The following TMEM202 variants were observed in gnomAD, a reference collection of about 807,000 sequenced individuals.
TMEM202 encodes the protein transmembrane protein 202.
Under a neutral mutation model 26.1 loss-of-function variants are expected in TMEM202, and 25 were observed. That is an observed-to-expected ratio of 0.96 (90% CI 0.70 to 1.34). The LOEUF (loss-of-function observed/expected upper bound fraction) is 1.34. Ranked by LOEUF, TMEM202 falls within the 40% of genes most tolerant of loss-of-function variation. The probability of loss-of-function intolerance (pLI) is 0.00; values close to 1 mark genes in which losing one functional copy is unlikely to be tolerated. For missense variants in TMEM202, 301 were observed against 327.7 expected, an observed-to-expected ratio of 0.92 and a Z score of 0.63; for synonymous variants, 122 against 119.0, an observed-to-expected ratio of 1.02 and a Z score of -0.16.
In TMEM202 at chr15:72,408,032, T is replaced by C; in HGVS notation, c.*139T>C. On this transcript the variant is annotated 3_prime_UTR_variant, in exon 5 of 5. Transcript: ENST00000341689. ...AGCATTAAAGCTGATGAAATGTCTT[T>C]TGCGTGCATTGGATCCAAAATATAT... 1.5e-6 allele frequency: 1 copy of C among 651,544 alleles called. No homozygotes were observed. Among genetic ancestry groups the C allele is most frequent in the East Asian group, 2.7e-5 (1 of 36,538 alleles). 40.4% of individuals were successfully genotyped at this position (651,544 alleles called of 1,614,324 possible). A position where few individuals can be genotyped will look rare whatever the true frequency, so the allele number is the denominator to read the frequency against.
chr15:72,406,425 A>G (rs536148684), intron 2 of TMEM202, among the ~76,000 whole-genome samples, 177 bp from the exon 3 acceptor site: 1 of 152,306 alleles, frequency 6.6e-6, no homozygotes, highest in South Asian at 2.1e-4. Context: ...GTATTTGTAT[A>G]TTATCTTTAG....
At position 72,407,167 on chromosome 15, in the gene TMEM202, T is replaced by C; in HGVS notation, c.569T>C (p.Leu190Pro). 1 of 1,613,624 alleles carries C rather than the reference T, an allele frequency of 6.2e-7. No individual in the cohort carries two copies. The highest frequency in any genetic ancestry group is 1.1e-5 in the South Asian group (1 of 91,064). ...HTRDAMESDL[L>P]WTYYLNWCSD... ...AGGGATGCCATGGAGTCAGATCTCC[T>C]ATGGACCTATTATCTTAACTGGTGC... The change falls in exon 4 of 5, where the codon CTA (leucine) becomes CCA (proline). Residue 190 changes from leucine to proline, a missense_variant. Physicochemically the swap from Leu to Pro is moderately conservative, Grantham distance 98. Transcript: ENST00000341689.
In TMEM202 at chr15:72,398,926, A is replaced by G; in HGVS notation, c.337+18A>G. Reference sequence around the variant, plus strand: ...GCCACCCTGTGAGTGCCACCGAATTAAATGCCACAGGCCCCACACAATTGC... The same window carrying G: ...GCCACCCTGTGAGTGCCACCGAATTGAATGCCACAGGCCCCACACAATTGC... On this transcript the variant is annotated intron_variant, in intron 2 of 4. Transcript: ENST00000341689. 1.9e-6 allele frequency: 3 copies of G among 1,595,364 alleles called. No individual in the cohort carries two copies. Among genetic ancestry groups the G allele is most frequent in the African/African-American group, 1.3e-5 (1 of 74,674 alleles).
intron 2 of TMEM202, among the ~76,000 whole-genome samples, chr15:72,399,803 A>G (rs1416066640): frequency 1.3e-5 from 2 of 152,280 alleles, no homozygotes; most frequent in Non-Finnish European, 2.9e-5. Context: ...TAGAGGAAAG[A>G]TATCATTACA....
chr15:72,407,636 A>G, intron 4 of TMEM202, 55 bp from the exon 5 acceptor site: 1 of 1,539,382 alleles, frequency 6.5e-7, no homozygotes, highest in Non-Finnish European at 9.0e-7. Flanking sequence ...AGAATTTTAA[A>G]AGCCAAAAGA....
In TMEM202 at chr15:72,408,135, A is replaced by G. The variant is rs1462890622; in HGVS notation, c.*242A>G. The stretch of plus-strand genomic sequence containing the variant: ...ACAACAATGTTTAGAGTCATGAATG[A>G]AAGAAACTAGTGAAAGATGCAGTGT... On this transcript the variant is annotated 3_prime_UTR_variant, in exon 5 of 5. Coordinates refer to ENST00000341689, the MANE Select transcript of TMEM202 (RefSeq NM_001080462.3). 1 of 452,500 alleles carries G rather than the reference A, an allele frequency of 2.2e-6. No individual in the cohort carries two copies. Among genetic ancestry groups the G allele is most frequent in the African/African-American group, 2.0e-5 (1 of 50,666 alleles). The allele number at this position is 452,500 out of a possible 1,614,324, so 28.0% of individuals were successfully genotyped here. A position where few individuals can be genotyped will look rare whatever the true frequency, so the allele number is the denominator to read the frequency against.
chr15:72,401,853 T>G (rs2063549026), intron 2 of TMEM202, among the ~76,000 whole-genome samples: 1 of 152,228 alleles, frequency 6.6e-6, no homozygotes, highest in Non-Finnish European at 1.5e-5. Context: ...CAGTAATTAA[T>G]CTGCAATACA....
At chr15:72,403,082 A>G (rs2063555312) in intron 2 of TMEM202, among the ~76,000 whole-genome samples, 2 of 152,160 alleles carry the variant, frequency 1.3e-5, no homozygotes, top group African/African-American at 4.8e-5. Context: ...TCCCTGGCCA[A>G]CTTTTACTTC....
At chr15:72,402,671 A>T (rs1338810572) in intron 2 of TMEM202, among the ~76,000 whole-genome samples, 2 of 152,212 alleles carry the variant, frequency 1.3e-5, no homozygotes, top group African/African-American at 4.8e-5. Context: ...ATATTGCCAC[A>T]GAGAGTAGTT....
chr15:72,405,491 C>T (rs1208038736), intron 2 of TMEM202, among the ~76,000 whole-genome samples: 1 of 152,108 alleles, frequency 6.6e-6, no homozygotes, highest in Non-Finnish European at 1.5e-5. Context: ...AACATCCAGT[C>T]CGCAGTGGCA....
At chr15:72,404,635 T>C (rs1209483525) in intron 2 of TMEM202, among the ~76,000 whole-genome samples, 1 of 152,218 alleles carries the variant, frequency 6.6e-6, no homozygotes, top group Non-Finnish European at 1.5e-5. Flanking sequence ...TTTATTAGTG[T>C]GTAAGTGCCT....
chr15:72,402,475 T>C (rs924708118), intron 2 of TMEM202, among the ~76,000 whole-genome samples: 3 of 152,148 alleles, frequency 2.0e-5, no homozygotes, highest in Admixed American at 2.0e-4. Flanking sequence ...TGTGCTTCTG[T>C]CTCTGAGTTC....
intron 2 of TMEM202, among the ~76,000 whole-genome samples, chr15:72,401,309 C>T (rs1024659085): frequency 2.6e-5 from 4 of 152,136 alleles, no homozygotes; most frequent in Middle Eastern, 3.2e-3. Context: ...CTTTGGAAGG[C>T]TGAGGTGGGG....
chr15:72,406,496 C>T (rs752433645), intron 2 of TMEM202, 106 bp from the exon 3 acceptor site: 11 of 863,608 alleles, frequency 1.3e-5, no homozygotes, highest in Admixed American at 2.4e-5. Flanking sequence ...AGCTCTGCTC[C>T]ATCATCCTTT....
chr15:72,406,291 T>C (rs945417026), intron 2 of TMEM202, among the ~76,000 whole-genome samples: 2 of 152,208 alleles, frequency 1.3e-5, no homozygotes, highest in East Asian at 3.8e-4. Context: ...TGAATACTTA[T>C]GTTGAACGCG....
At position 72,407,162 on chromosome 15, in the gene TMEM202, T is replaced by C; in HGVS notation, c.564T>C (p.Asp188=). 10 of 1,613,526 alleles carry C rather than the reference T, an allele frequency of 6.2e-6. No homozygotes were observed. The highest frequency in any genetic ancestry group is 2.2e-5 in the South Asian group (2 of 91,046). ...ATACTAGGGATGCCATGGAGTCAGA[T>C]CTCCTATGGACCTATTATCTTAACT... ...HWHTRDAMES[D]LLWTYYLNWC... is the part of the protein sequence containing the mutation. The change falls in exon 4 of 5, where the codon GAT becomes GAC. Residue 188 remains aspartate, a synonymous_variant. Coordinates refer to ENST00000341689, the MANE Select transcript of TMEM202 (RefSeq NM_001080462.3).
At position 72,398,339 on chromosome 15, in the gene TMEM202, G is replaced by A. The variant is rs141553031; in HGVS notation, c.13G>A (p.Glu5Lys). 1.9e-3 allele frequency: 2,996 copies of A among 1,613,146 alleles called. 4 individuals carry two copies. Among genetic ancestry groups the A allele is most frequent in the Non-Finnish European group, 2.4e-3 (2,833 of 1,179,700 alleles). ...ACTAACTGCCAAGATGGAGCGAAGGGAACATTTAACCTTGACTTTCCACAG... is the reference window on the plus strand; with the variant it reads ...ACTAACTGCCAAGATGGAGCGAAGGAAACATTTAACCTTGACTTTCCACAG... MERREHLTLTFHSPE... is the reference protein window; with the variant it reads MERRKHLTLTFHSPE... Residue 5 changes from glutamate to lysine, a missense_variant, in exon 1 of 5, where the codon GAA becomes AAA. Coordinates refer to ENST00000341689, the MANE Select transcript of TMEM202 (RefSeq NM_001080462.3).
intron 2 of TMEM202, among the ~76,000 whole-genome samples, chr15:72,402,967 G>A (rs948762724): frequency 2.0e-5 from 3 of 152,092 alleles, no homozygotes; most frequent in Non-Finnish European, 2.9e-5. Flanking sequence ...GTTGCCTTCC[G>A]TGCCTTGAAA....
intron 2 of TMEM202, among the ~76,000 whole-genome samples, chr15:72,400,551 A>T (rs2063542874): frequency 1.3e-5 from 2 of 152,248 alleles, no homozygotes; most frequent in South Asian, 4.1e-4. Flanking sequence ...ATTAAGCTGC[A>T]ATCATATTTA....
Sources: allele counts gnomAD v4.1 joint callset (sites outside exome capture counted in the v4.1 genomes callset), GRCh38; gene constraint gnomAD v4.1.1; transcripts MANE v1.5; gene names NCBI Gene and HGNC (gene_info 2026-07-23, HGNC 2026-07-21).